The following FAM193A variants were observed in gnomAD, a reference collection of about 807,000 sequenced individuals.
FAM193A encodes the protein protein FAM193A.
Under a neutral mutation model 126.5 loss-of-function variants are expected in FAM193A, and 22 were observed. The observed-to-expected ratio is 0.17, with a 90% CI of 0.12 to 0.25. FAM193A has a LOEUF of 0.25. FAM193A is among the 10% of genes least tolerant of loss of function. The pLI is 1.00. For missense variants in FAM193A, 1,675 were observed against 1,672.8 expected, an observed-to-expected ratio of 1.00 and a Z score of -0.02; for synonymous variants, 761 against 646.8, an observed-to-expected ratio of 1.18 and a Z score of -2.68.
At chr4:2,588,176 T>C (rs999005153) in intron 1 of FAM193A, among the ~76,000 whole-genome samples, 1 of 152,028 alleles carries the variant, frequency 6.6e-6, no homozygotes, top group Admixed American at 6.5e-5. Context: ...CTGCTCCGCA[T>C]TGACGGAGCT....
chr4:2,729,997 C>T (rs573470529), intron 20 of FAM193A, among the ~76,000 whole-genome samples: 1 of 152,204 alleles, frequency 6.6e-6, no homozygotes, highest in East Asian at 1.9e-4. Context: ...CCTTGACCTC[C>T]CAGGCTCAAG....
intron 13 of FAM193A, 51 bp from the exon 14 acceptor site, chr4:2,689,455 G>T: frequency 7.3e-7 from 1 of 1,375,348 alleles, no homozygotes. Context: ...TACTTACCTA[G>T]GTAAACAGAA....
At chr4:2,703,061 A>T (rs1717917381) in intron 19 of FAM193A, among the ~76,000 whole-genome samples, 1 of 152,068 alleles carries the variant, frequency 6.6e-6, no homozygotes, top group South Asian at 2.1e-4. Context: ...AGTGTATTAT[A>T]GACATAATAG....
At chr4:2,684,394 C>T (rs1016534656) in intron 13 of FAM193A, among the ~76,000 whole-genome samples, 1 of 151,774 alleles carries the variant, frequency 6.6e-6, no homozygotes, top group African/African-American at 2.4e-5. Context: ...TCCAAAGATA[C>T]TTAGTAGCTC....
chr4:2,701,653 T>C (rs1321011308), intron 19 of FAM193A, among the ~76,000 whole-genome samples: 3 of 152,138 alleles, frequency 2.0e-5, no homozygotes, highest in Non-Finnish European at 4.4e-5. Context: ...TATTTCTCCT[T>C]TGCTAATTAG....
chr4:2,711,435 G>A (rs1718962024), intron 19 of FAM193A, among the ~76,000 whole-genome samples: 1 of 151,504 alleles, frequency 6.6e-6, no homozygotes, highest in African/African-American at 2.4e-5. Context: ...TGCCTCCTGG[G>A]TTCAAGCAAT....
intron 8 of FAM193A, among the ~76,000 whole-genome samples, chr4:2,659,259 A>C (rs550986564): frequency 2.0e-4 from 31 of 152,174 alleles, no homozygotes; most frequent in Non-Finnish European, 4.0e-4. Context: ...GCAAGTACCA[A>C]GCACATGGCA....
In FAM193A at chr4:2,646,846, G is replaced by A. The variant is rs1189420717; in HGVS notation, c.1311+14G>A. ...GTCGACGAGCAGGTGAGTGCCACCCGGGACCACCGCACCCCGCGCACATCC... is the reference window on the plus strand; with the variant it reads ...GTCGACGAGCAGGTGAGTGCCACCCAGGACCACCGCACCCCGCGCACATCC... On this transcript the variant is annotated intron_variant, in intron 7 of 20. Coordinates refer to ENST00000637812, the MANE Select transcript of FAM193A (RefSeq NM_001366318.2). The A allele has an allele frequency of 8.7e-6, 14 of 1,606,870 alleles. No homozygotes were observed. The highest frequency in any genetic ancestry group is 1.1e-5 in the Non-Finnish European group (13 of 1,176,736).
At position 2,586,756 on chromosome 4, in the gene FAM193A, C is replaced by A. The variant is rs1321359116; in HGVS notation, c.256-9328C>A. On this transcript the variant is annotated intron_variant, in intron 1 of 20. Transcript: ENST00000637812. ...GTAGCCTCAACCTCCTGGGCTCAAG[C>A]AATCTTCCCACCTCAGCCTCCTGAG... Among the ~76,000 whole-genome samples the A allele has an allele frequency of 2.6e-5, 4 of 152,278 alleles. No homozygotes were observed. The East Asian group carries it at 5.8e-4, about 22-fold the overall frequency.
Position 2,631,186 on chromosome 4 carries a change from GT to G in FAM193A, c.1038+22del, listed in dbSNP as rs1743541974. ...GGCACTCTGGTAAGAGAGAAAACGT[GT>G]TTTTCTTTCTGTTTGGATGAGCTGA... On this transcript the variant is annotated intron_variant, in intron 5 of 20. Coordinates refer to ENST00000637812, the MANE Select transcript of FAM193A (RefSeq NM_001366318.2). 1 of 1,587,120 alleles carries G rather than the reference GT, an allele frequency of 6.3e-7. No individual in the cohort carries two copies. Among genetic ancestry groups the G allele is most frequent in the Admixed American group, 1.8e-5 (1 of 56,712 alleles).
intron 20 of FAM193A, among the ~76,000 whole-genome samples, chr4:2,721,161 A>G (rs931516119): frequency 1.3e-4 from 20 of 151,816 alleles, no homozygotes; most frequent in African/African-American, 4.8e-4. Flanking sequence ...AAAATACAAA[A>G]AATTAGCCAG....
rs946239856 is a variant in FAM193A at position 2,536,812 on chromosome 4, C to T, written c.-104C>T. On this transcript the variant is annotated 5_prime_UTR_variant, in exon 1 of 21. Coordinates refer to ENST00000637812, the MANE Select transcript of FAM193A (RefSeq NM_001366318.2). ...ACCCCGCGCAGCGCCCCCCGGCTGG[C>T]CGGAGCGCCCGCCGCCGCGGCCGCC... is the stretch of plus-strand genomic sequence containing the variant. 3.5e-5 allele frequency: 5 copies of T among 142,130 alleles called. 1 individual carries two copies. The highest frequency in any genetic ancestry group is 2.1e-4 in the Admixed American group (3 of 14,360). 8.8% of individuals were successfully genotyped at this position (142,130 alleles called of 1,614,324 possible). A position where few individuals can be genotyped will look rare whatever the true frequency, so the allele number is the denominator to read the frequency against.
At chr4:2,633,479 T>G (rs1319584363) in intron 5 of FAM193A, among the ~76,000 whole-genome samples, 1 of 152,056 alleles carries the variant, frequency 6.6e-6, no homozygotes, top group Non-Finnish European at 1.5e-5. Flanking sequence ...GCTGTTTGAT[T>G]AGTGTCTTTT....
intron 13 of FAM193A, among the ~76,000 whole-genome samples, chr4:2,687,092 T>C (rs1328536153): frequency 6.6e-6 from 1 of 152,018 alleles, no homozygotes; most frequent in Non-Finnish European, 1.5e-5. Context: ...TCTCCCCCTT[T>C]GCCTTCCTGG....
intron 2 of FAM193A, among the ~76,000 whole-genome samples, chr4:2,601,529 C>T (rs1741196676): frequency 6.6e-6 from 1 of 151,866 alleles, no homozygotes; most frequent in African/African-American, 2.4e-5. Context: ...GCCACCATAC[C>T]CGGCTACTTT....
At chr4:2,656,688 A>G (rs1711725809) in intron 7 of FAM193A, among the ~76,000 whole-genome samples, 1 of 152,212 alleles carries the variant, frequency 6.6e-6, no homozygotes, top group Non-Finnish European at 1.5e-5. Flanking sequence ...TCACAGGGCC[A>G]CCAGAGCTGC....
intron 7 of FAM193A, among the ~76,000 whole-genome samples, chr4:2,649,383 A>G (rs1745451376): frequency 6.7e-6 from 1 of 149,772 alleles, no homozygotes; most frequent in African/African-American, 2.5e-5. Flanking sequence ...TGAAAAAAAA[A>G]AAAAAAAAGC....
chr4:2,671,559 A>G (rs929095516), intron 12 of FAM193A, among the ~76,000 whole-genome samples: 1 of 152,150 alleles, frequency 6.6e-6, no homozygotes, highest in Non-Finnish European at 1.5e-5. Context: ...TTGAAGTTCT[A>G]GCTGATTTGC....
intron 14 of FAM193A, 87 bp downstream of exon 14, chr4:2,689,791 G>A: frequency 2.0e-6 from 2 of 977,140 alleles, no homozygotes; most frequent in Non-Finnish European, 1.5e-6. Context: ...GGAAGCCCTG[G>A]CGCAGCTGTA....
Sources: gnomAD v4.1 joint callset for allele counts (sites outside exome capture counted in the v4.1 genomes callset) on GRCh38, gnomAD v4.1.1 for gene constraint, MANE v1.5 for transcripts, NCBI Gene and HGNC (gene_info 2026-07-23, HGNC 2026-07-21) for gene names.